The following ARHGAP29 variants were observed in gnomAD, a reference collection of about 807,000 sequenced individuals.
The protein encoded by ARHGAP29 is Rho GTPase activating protein 29, also known as rho GTPase-activating protein 29.
ARHGAP29 carries 43 observed loss-of-function variants against 122.6 expected under a neutral mutation model. The ratio of observed to expected loss-of-function variants is 0.35; its 90% CI spans 0.27 to 0.45. ARHGAP29 has a LOEUF of 0.45. Ranked by LOEUF, ARHGAP29 falls within the 20% of genes least tolerant of loss-of-function variation. The pLI, the probability that ARHGAP29 is intolerant of heterozygous loss-of-function variation, is 1.00. For synonymous variants in ARHGAP29, 506 were observed against 497.1 expected (o/e 1.02, Z -0.24); for missense variants, 1,303 against 1,477.2 (o/e 0.88, Z 1.93).
chr1:94,188,798 T>C, intron 15 of ARHGAP29, 39 bp downstream of exon 15: 2 of 1,509,536 alleles, frequency 1.3e-6, no homozygotes, highest in Non-Finnish European at 1.8e-6. Context: ...GACTGATCTT[T>C]CAATGAGTTT....
At chr1:94,201,506 T>TTCTCTCTC (rs111304569) in intron 12 of ARHGAP29, among the ~76,000 whole-genome samples, 2 of 141,298 alleles carry the variant, frequency 1.4e-5, no homozygotes, top group Admixed American at 7.2e-5. Flanking sequence ...CCTTCCTTCC[T>TTCTCTCTC]TCTCTCTCTC....
intron 2 of ARHGAP29, among the ~76,000 whole-genome samples, chr1:94,230,171 CA>C (rs1473570861): frequency 1.3e-5 from 2 of 151,496 alleles, no homozygotes; most frequent in African/African-American, 4.8e-5. Flanking sequence ...TAGTTAAGAA[CA>C]AATTGTTATT....
chr1:94,258,246 T>C (rs1654434973), intron 1 of ARHGAP29, among the ~76,000 whole-genome samples: 1 of 152,230 alleles, frequency 6.6e-6, no homozygotes, highest in South Asian at 2.1e-4. Flanking sequence ...CTCTCAGAAG[T>C]GTGCCAATTT....
chr1:94,173,626 T>C lies in ARHGAP29; in HGVS notation c.*243A>G. 1 of 424,660 alleles carries C rather than the reference T, an allele frequency of 2.4e-6. No homozygotes were observed. The highest frequency in any genetic ancestry group is 4.1e-6 in the Non-Finnish European group (1 of 242,048). The allele number at this position is 424,660 out of a possible 1,614,324, so 26.3% of individuals were successfully genotyped here. On this transcript the variant is annotated 3_prime_UTR_variant, in exon 23 of 23. Transcript: ENST00000260526. ...ACTTTAAAAAATACGAATCCACCTA[T>C]CTTATTCACAACTTTAAAAATACAG...
At chr1:94,187,574 C>A (rs1188215457) in intron 15 of ARHGAP29, among the ~76,000 whole-genome samples, 3 of 152,170 alleles carry the variant, frequency 2.0e-5, no homozygotes, top group African/African-American at 7.2e-5. Flanking sequence ...TAACTTTAAT[C>A]CCTTGTCACT....
At chr1:94,224,178 A>G (rs12724116) in intron 2 of ARHGAP29, among the ~76,000 whole-genome samples, 18,552 of 152,220 alleles carry the variant, frequency 0.12, 1,367 homozygotes, top group Non-Finnish European at 0.17. Context: ...TGGCACATAC[A>G]TAACTAAATA....
At position 94,185,326 on chromosome 1, in the gene ARHGAP29, T is replaced by A; in HGVS notation, c.1920+16A>T. On this transcript the variant is annotated intron_variant, in intron 17 of 22. Transcript: ENST00000260526. ...AAAAGCATAAAAGGGTCAACACAATTCCACAAAGATCTTACCTCTTCACAT... is the reference window on the plus strand; with the variant it reads ...AAAAGCATAAAAGGGTCAACACAATACCACAAAGATCTTACCTCTTCACAT... 2 of 1,560,596 alleles carry A rather than the reference T, an allele frequency of 1.3e-6. No individual in the cohort carries two copies. Among genetic ancestry groups the A allele is most frequent in the Non-Finnish European group, 1.7e-6 (2 of 1,157,952 alleles).
chr1:94,308,580 T>C, the ARHGAP29 span, among the ~76,000 whole-genome samples: 1 of 152,158 alleles, frequency 6.6e-6, no homozygotes, highest in Non-Finnish European at 1.5e-5. Flanking sequence ...CCAAGTCACG[T>C]CATCATTTTT....
At chr1:94,311,890 A>C in the ARHGAP29 span, among the ~76,000 whole-genome samples, 1 of 152,188 alleles carries the variant, frequency 6.6e-6, no homozygotes, top group Non-Finnish European at 1.5e-5. Context: ...TTCTTCTCCA[A>C]GGCCAGCCCT....
intron 7 of ARHGAP29, 100 bp downstream of exon 7, chr1:94,204,959 CAG>C: frequency 9.1e-7 from 1 of 1,095,856 alleles, no homozygotes; most frequent in Non-Finnish European, 1.3e-6. Flanking sequence ...TATAATGAAA[CAG>C]GTACTAATTT....
intron 1 of ARHGAP29, among the ~76,000 whole-genome samples, chr1:94,266,563 T>C (rs529282005): frequency 1.3e-5 from 2 of 152,304 alleles, no homozygotes; most frequent in East Asian, 3.9e-4. Flanking sequence ...CTTCATACTA[T>C]GGCCTTTGCT....
chr1:94,186,255 C>A (rs1437110415), intron 16 of ARHGAP29, among the ~76,000 whole-genome samples: 2 of 152,118 alleles, frequency 1.3e-5, no homozygotes, highest in African/African-American at 4.8e-5. Context: ...TAGCACCATG[C>A]CAATACATTT....
intron 4 of ARHGAP29, 88 bp downstream of exon 4, chr1:94,209,166 C>A: frequency 9.9e-7 from 1 of 1,014,826 alleles, no homozygotes; most frequent in Non-Finnish European, 1.5e-6. Flanking sequence ...TTTAATACTT[C>A]GTTTCCCATG....
At chr1:94,309,090 T>C in the ARHGAP29 span, among the ~76,000 whole-genome samples, 2 of 152,352 alleles carry the variant, frequency 1.3e-5, no homozygotes, top group Middle Eastern at 3.4e-3. Context: ...CAGGCTCTTG[T>C]TGCGGGGGCG....
At chr1:94,290,334 C>T in the ARHGAP29 span, among the ~76,000 whole-genome samples, 35,489 of 151,936 alleles carry the variant, frequency 0.23, 4,381 homozygotes, top group East Asian at 0.46. Flanking sequence ...ATTAGTCTTG[C>T]TAGTGGTCTA....
the ARHGAP29 span, among the ~76,000 whole-genome samples, chr1:94,309,578 A>G: frequency 6.6e-6 from 1 of 152,164 alleles, no homozygotes; most frequent in Non-Finnish European, 1.5e-5. Context: ...CAGTAGCTGG[A>G]GAGGAGAATG....
Position 94,173,781 on chromosome 1 carries a change from A to G in ARHGAP29, c.*88T>C, listed in dbSNP as rs1330858. 1,463,078 of 1,469,716 alleles carry G rather than the reference A, an allele frequency of 1. 728,519 individuals are homozygous for G. The highest frequency in any genetic ancestry group is 1 in the East Asian group (43,860 of 43,860). 91.0% of individuals were successfully genotyped at this position (1,469,716 alleles called of 1,614,324 possible). The stretch of plus-strand genomic sequence containing the variant: ...ATGATTTGGCAGTCCTATACAAAAG[A>G]GGCCCTGTCAAAACATTCTTTCACA... On this transcript the variant is annotated 3_prime_UTR_variant, in exon 23 of 23. Transcript: ENST00000260526.
chr1:94,174,552 T>C lies in ARHGAP29; in HGVS notation c.3103A>G (p.Asn1035Asp). 1 of 1,614,196 alleles carries C rather than the reference T, an allele frequency of 6.2e-7. No individual in the cohort carries two copies. The highest frequency in any genetic ancestry group is 8.5e-7 in the Non-Finnish European group (1 of 1,180,038). ...TTTACATTTCCCATATTTCTGCCAT[T>C]TCTCTCATTAGGAGGACTTGCAAGA... Reference protein sequence around the residue: ...LLLASPPNERNGRNMGNVNLD... With the variant: ...LLLASPPNERDGRNMGNVNLD... Residue 1035 changes from asparagine to aspartate, a missense_variant, in exon 23 of 23, where the codon AAT becomes GAT. This residue lies in a region of ARHGAP29 where 620 missense variants were observed against 651.2 expected (regional missense o/e 0.95). Transcript: ENST00000260526.
Position 94,203,223 on chromosome 1 carries a change from A to G in ARHGAP29, c.763-13T>C. 3 of 1,559,868 alleles carry G rather than the reference A, an allele frequency of 1.9e-6. No individual in the cohort carries two copies. The highest frequency in any genetic ancestry group is 2.6e-6 in the Non-Finnish European group (3 of 1,145,808). ...GTGGCATGAACTCCTAAAATTTAAAATTGAAAAGTAAATTTTACAATAGAA... is the reference window on the plus strand; with the variant it reads ...GTGGCATGAACTCCTAAAATTTAAAGTTGAAAAGTAAATTTTACAATAGAA... On this transcript the variant is annotated splice_polypyrimidine_tract_variant and intron_variant, in intron 8 of 22. Transcript: ENST00000260526.
Sources: gnomAD v4.1 joint callset for allele counts (sites outside exome capture counted in the v4.1 genomes callset) on GRCh38, gnomAD v4.1.1 for gene constraint, gnomAD v4.1.1 regional missense constraint, MANE v1.5 for transcripts, NCBI Gene and HGNC (gene_info 2026-07-23, HGNC 2026-07-21) for gene names.